SSB: variants seen among roughly 807,000 people sequenced by gnomAD.
SSB encodes lupus La protein.
A neutral mutation model predicts 52.9 loss-of-function variants in SSB; 17 were observed. The ratio of observed to expected loss-of-function variants is 0.32; its 90% CI spans 0.22 to 0.48. The LOEUF (loss-of-function observed/expected upper bound fraction) is 0.48, where lower values mean the gene tolerates loss of function less well. Among genes scored for constraint, SSB ranks in the 20% least tolerant of loss-of-function variants. SSB has a pLI of 0.99. For synonymous variants in SSB, 111 were observed against 152.1 expected (o/e 0.73, Z 1.99); for missense variants, 314 against 463.6 (o/e 0.68, Z 2.96).
chr2:169,801,509 G>GTTT (rs79940369), intron 2 of SSB, among the ~76,000 whole-genome samples: 868 of 73,684 alleles, frequency 0.012, 49 homozygotes, highest in African/African-American at 0.035. Flanking sequence ...CTTTAATATA[G>GTTT]TTTTTTTTTT....
chr2:169,800,692 T>G (rs140322229), intron 1 of SSB, among the ~76,000 whole-genome samples: 2,745 of 152,252 alleles, frequency 0.018, 103 homozygotes, highest in African/African-American at 0.061. Context: ...TAAGTGAAGA[T>G]AAACAGTTTC....
chr2:169,802,636 C>T (rs1689736147), intron 2 of SSB, among the ~76,000 whole-genome samples: 1 of 152,142 alleles, frequency 6.6e-6, no homozygotes, highest in African/African-American at 2.4e-5. Context: ...AGGTTAAAAG[C>T]TTTTGACACT....
At chr2:169,811,617 C>T (rs934745962) in intron 11 of SSB, 51 bp from the exon 12 acceptor site, 3 of 1,583,716 alleles carry the variant, frequency 1.9e-6, no homozygotes, top group African/African-American at 2.7e-5. Context: ...CAGTATTAAA[C>T]TAGAGCAGTA....
intron 8 of SSB, 67 bp from the exon 9 acceptor site, chr2:169,810,216 G>C: frequency 1.6e-6 from 2 of 1,266,876 alleles, no homozygotes; most frequent in Non-Finnish European, 2.2e-6. Flanking sequence ...CTATAAGGTG[G>C]TGTGAGTCAT....
chr2:169,808,368 T>C (rs1431509824), intron 6 of SSB, 114 bp from the exon 7 acceptor site: 2 of 711,966 alleles, frequency 2.8e-6, no homozygotes, highest in Non-Finnish European at 2.3e-6. Context: ...ATGATTATGT[T>C]GATAGTAAGC....
At chr2:169,801,104 T>C (rs1353274448) in intron 2 of SSB, 78 bp downstream of exon 2, 1 of 1,192,448 alleles carries the variant, frequency 8.4e-7, no homozygotes, top group African/African-American at 1.6e-5. Flanking sequence ...TTCTAGTACA[T>C]GGACATATTC....
Position 169,807,090 on chromosome 2 carries a change from G to T in SSB, c.554+19G>T. 1.9e-6 allele frequency: 3 copies of T among 1,605,198 alleles called. No homozygotes were observed. Among genetic ancestry groups the T allele is most frequent in the Non-Finnish European group, 2.6e-6 (3 of 1,172,700 alleles). On this transcript the variant is annotated intron_variant, in intron 6 of 11. Transcript: ENST00000260956. The stretch of plus-strand genomic sequence containing the variant: ...TTTTCAAGTAAGTCTTTTTGCTGAT[G>T]TTTCTCCTGGCCTTTTACTTATATG...
At chr2:169,811,122 A>G in intron 10 of SSB, 61 bp from the exon 11 acceptor site, 1 of 1,592,486 alleles carries the variant, frequency 6.3e-7, no homozygotes, top group Non-Finnish European at 8.5e-7. Context: ...TCAGTGTTCA[A>G]AAACATTGAC....
At chr2:169,802,270 A>C (rs11691728) in intron 2 of SSB, among the ~76,000 whole-genome samples, 79,038 of 151,930 alleles carry the variant, frequency 0.52, 23,407 homozygotes, top group Non-Finnish European at 0.65. Context: ...TCTTTGTTCA[A>C]TTAAACTCAA....
chr2:169,806,324 A>T (rs912916145), intron 4 of SSB, among the ~76,000 whole-genome samples: 1 of 152,200 alleles, frequency 6.6e-6, no homozygotes, highest in African/African-American at 2.4e-5. Flanking sequence ...TGTGAGAATT[A>T]AATGAAAAAA....
intron 6 of SSB, 128 bp from the exon 7 acceptor site, chr2:169,808,354 G>A (rs989349631): frequency 1.9e-5 from 12 of 644,324 alleles, no homozygotes; most frequent in Middle Eastern, 2.6e-4. Context: ...TGAATTTTTA[G>A]TTGATGATTA....
At chr2:169,811,396 G>A (rs1444174229) in intron 11 of SSB, 73 bp downstream of exon 11, 1 of 1,461,084 alleles carries the variant, frequency 6.8e-7, no homozygotes, top group Non-Finnish European at 9.0e-7. Context: ...ATTTGCCAGA[G>A]AGAATAGGGA....
Position 169,812,031 on chromosome 2 carries a change from T to A in SSB, c.*275T>A. ...TGAGAATGTATTAGTACAAACTAAC[T>A]AATAAAATATATACTATATGAAAAG... is the stretch of plus-strand genomic sequence containing the variant. On this transcript the variant is annotated 3_prime_UTR_variant, in exon 12 of 12. Transcript: ENST00000260956. 2 of 718,462 alleles carry A rather than the reference T, an allele frequency of 2.8e-6. No individual in the cohort carries two copies. Among genetic ancestry groups the A allele is most frequent in the Non-Finnish European group, 4.6e-6 (2 of 439,504 alleles). 44.5% of individuals were successfully genotyped at this position (718,462 alleles called of 1,614,324 possible). A position where few individuals can be genotyped will look rare whatever the true frequency, so the allele number is the denominator to read the frequency against.
chr2:169,808,146 G>T (rs1372440376), intron 6 of SSB, among the ~76,000 whole-genome samples: 1 of 152,074 alleles, frequency 6.6e-6, no homozygotes, highest in Admixed American at 6.5e-5. Context: ...AAATCAACAT[G>T]AAATTGCTAA....
chr2:169,807,455 A>G (rs1689852408), intron 6 of SSB, among the ~76,000 whole-genome samples: 1 of 151,540 alleles, frequency 6.6e-6, no homozygotes, highest in Non-Finnish European at 1.5e-5. Flanking sequence ...CGTCCACCTA[A>G]TTTTTGTATT....
intron 11 of SSB, 111 bp downstream of exon 11, chr2:169,811,434 C>A: frequency 7.4e-7 from 1 of 1,345,944 alleles, no homozygotes; most frequent in Non-Finnish European, 9.9e-7. Context: ...TGGATAAGTG[C>A]CATTCTTGGA....
At chr2:169,806,049 C>T (rs1476275905) in intron 4 of SSB, 10 of 588,542 alleles carry the variant, frequency 1.7e-5, no homozygotes, top group Non-Finnish European at 2.2e-5. Flanking sequence ...TGGCCCACTG[C>T]AGTCTTGACC....
intron 2 of SSB, 56 bp downstream of exon 2, chr2:169,801,082 A>ATTC (rs2105695957): frequency 1.4e-6 from 2 of 1,401,476 alleles, no homozygotes; most frequent in Middle Eastern, 1.8e-4. Flanking sequence ...AAAATACAGA[A>ATTC]AGAACATTTA....
intron 2 of SSB, among the ~76,000 whole-genome samples, chr2:169,802,415 C>CTT (rs753585547): frequency 1.5e-5 from 2 of 137,222 alleles, no homozygotes; most frequent in Non-Finnish European, 1.6e-5. Flanking sequence ...CTCAGAACTG[C>CTT]TTTTTTTTTT....
Sources: allele counts gnomAD v4.1 joint callset (sites outside exome capture counted in the v4.1 genomes callset), GRCh38; gene constraint gnomAD v4.1.1; transcripts MANE v1.5; gene names NCBI Gene and HGNC (gene_info 2026-07-23, HGNC 2026-07-21).